Variants in UBAP2 observed in about 807,000 individuals in gnomAD.
UBAP2 encodes ubiquitin associated protein 2, also known as ubiquitin-associated protein 2.
UBAP2 carries 75 observed loss-of-function variants against 139.6 expected under a neutral mutation model. That is an observed-to-expected ratio of 0.54 (90% CI 0.45 to 0.65). UBAP2 has a LOEUF of 0.65. Ranked by LOEUF, UBAP2 falls within the 30% of genes least tolerant of loss-of-function variation. UBAP2 has a pLI of 0.00. For missense variants in UBAP2, 1,368 were observed against 1,369.6 expected (o/e 1.00, Z 0.02); for synonymous variants, 526 against 526.2 (o/e 1.00, Z 0.01).
chr9:34,017,653 G>A (rs1359240523), intron 1 of UBAP2, among the ~76,000 whole-genome samples: 4 of 152,190 alleles, frequency 2.6e-5, no homozygotes, highest in African/African-American at 9.6e-5. Flanking sequence ...GTGGCCGGGT[G>A]CGGTGGCTCA....
chr9:33,983,516 T>C (rs979951276), intron 6 of UBAP2, among the ~76,000 whole-genome samples: 6 of 152,200 alleles, frequency 3.9e-5, no homozygotes, highest in Non-Finnish European at 7.3e-5. Flanking sequence ...AGAACAATGA[T>C]ATTTTAACCA....
rs778777320 is a variant in UBAP2, at chr9:34,017,091, A to C, written c.58T>G (p.Ser20Ala). ...TGTGGTTGCGTTGATTGTGCTGCTGAAATCTGTGGTTTTTCCCGAGCACCT... is the reference window on the plus strand; with the variant it reads ...TGTGGTTGCGTTGATTGTGCTGCTGCAATCTGTGGTTTTTCCCGAGCACCT... ...CRGAREKPQI[S>A]AAQSTQPQKQ... Residue 20 changes from serine to alanine, a missense_variant, in exon 2 of 29, where the codon TCA becomes GCA. Transcript: ENST00000379238. 17 of 1,612,530 alleles carry C rather than the reference A, an allele frequency of 1.1e-5. No homozygotes were observed. In the South Asian group the frequency reaches 1.9e-4, roughly 18 times the overall value.
intron 16 of UBAP2, among the ~76,000 whole-genome samples, chr9:33,937,102 T>C (rs1464871687): frequency 7.2e-6 from 1 of 139,824 alleles, no homozygotes; most frequent in Admixed American, 7.2e-5. Flanking sequence ...AAACTCTTTC[T>C]AAAAAATAAA....
At chr9:33,938,738 G>A (rs1213493972) in intron 16 of UBAP2, among the ~76,000 whole-genome samples, 1 of 149,358 alleles carries the variant, frequency 6.7e-6, no homozygotes, top group South Asian at 2.1e-4. Flanking sequence ...GGAGGTTGGA[G>A]TGAGCCAAGA....
At chr9:33,944,771 A>G in intron 13 of UBAP2, 132 bp from the exon 14 acceptor site, 39 of 991,982 alleles carry the variant, frequency 3.9e-5, no homozygotes, top group Non-Finnish European at 5.5e-5. Flanking sequence ...TACACACACT[A>G]TGTGTAACAC....
rs398010658 is a variant in UBAP2, at chr9:34,013,152, CAA to C, written c.99+3896_99+3897del. 4.2e-3 allele frequency among the ~76,000 whole-genome samples: 329 copies of C among 78,298 alleles called. 2 individuals are homozygous for C. Among genetic ancestry groups the C allele is most frequent in the African/African-American group, 0.017 (308 of 17,608 alleles). 51.4% of individuals were successfully genotyped at this position (78,298 alleles called of 152,430 possible). A position where few individuals can be genotyped will look rare whatever the true frequency, so the allele number is the denominator to read the frequency against. On this transcript the variant is annotated intron_variant, in intron 2 of 28. Transcript: ENST00000379238. The stretch of plus-strand genomic sequence containing the variant: ...TGGGCAACAGAGTGAGACTCTAGCT[CAA>C]AAAAAAAAAAAAAAAAAAAAGAGGT...
chr9:34,010,761 AC>A (rs1300623131), intron 2 of UBAP2, among the ~76,000 whole-genome samples: 1 of 152,118 alleles, frequency 6.6e-6, no homozygotes, highest in African/African-American at 2.4e-5. Context: ...GCTACAACAA[AC>A]ATTTTTTTTT....
intron 4 of UBAP2, chr9:33,995,077 T>A (rs1219091859): frequency 6.6e-6 from 1 of 152,024 alleles, no homozygotes; most frequent in Admixed American, 6.6e-5. Context: ...TAAACACAGG[T>A]CAGGTGTGGT....
chr9:33,981,551 G>T (rs542403442), intron 6 of UBAP2, among the ~76,000 whole-genome samples: 6 of 149,064 alleles, frequency 4.0e-5, no homozygotes, highest in African/African-American at 1.5e-4. Context: ...AAAAAAGCCT[G>T]CTACATTGTC....
rs369856540 is a variant in UBAP2 at position 33,923,227 on chromosome 9, G to A, written c.2963C>T (p.Ser988Leu). 2.5e-5 allele frequency: 40 copies of A among 1,614,086 alleles called. No homozygotes were observed. The highest frequency in any genetic ancestry group is 1.3e-4 in the Admixed American group (8 of 60,008). Residue 988 changes from serine (S) to leucine (L), a missense_variant, in exon 26 of 29, where the codon TCG (serine) becomes TTG (leucine). Physicochemically the swap from Ser to Leu is moderately radical, Grantham distance 145. Transcript: ENST00000379238. ...ACCTGCAGACTTGTTTGGTGCCTGC[G>A]ATGATCCAGCATAGCCACCTTTGGA... Reference protein sequence around the residue: ...DYSKGGYAGSSQAPNKSAGSG... With the variant: ...DYSKGGYAGSLQAPNKSAGSG...
intron 1 of UBAP2, among the ~76,000 whole-genome samples, chr9:34,027,088 TC>T (rs1194450465): frequency 6.6e-6 from 1 of 152,202 alleles, no homozygotes; most frequent in Non-Finnish European, 1.5e-5. Context: ...TAATCTGTGT[TC>T]CCGCATTTTC....
chr9:34,016,302 GGAA>G (rs1824302235), intron 2 of UBAP2, among the ~76,000 whole-genome samples: 1 of 110,252 alleles, frequency 9.1e-6, no homozygotes, highest in African/African-American at 3.8e-5. Flanking sequence ...AGGAAGAGGA[GGAA>G]GAGGAGGAAG....
intron 6 of UBAP2, among the ~76,000 whole-genome samples, chr9:33,981,425 A>G (rs892391521): frequency 2.0e-5 from 3 of 150,868 alleles, no homozygotes; most frequent in Non-Finnish European, 2.9e-5. Flanking sequence ...GCACAATCAC[A>G]GCTCACAGCA....
intron 2 of UBAP2, among the ~76,000 whole-genome samples, chr9:34,002,403 G>A (rs1261699081): frequency 7.4e-6 from 1 of 134,838 alleles, no homozygotes; most frequent in Non-Finnish European, 1.5e-5. Context: ...TTTTGAGACA[G>A]AGTCTCGCTC....
intron 9 of UBAP2, among the ~76,000 whole-genome samples, chr9:33,961,527 T>C (rs1439880561): frequency 6.7e-6 from 1 of 149,756 alleles, no homozygotes; most frequent in East Asian, 1.9e-4. Context: ...TTCAAAAGTG[T>C]TGCTACTCAA....
intron 17 of UBAP2, 55 bp downstream of exon 17, chr9:33,935,784 T>G: frequency 6.2e-7 from 1 of 1,601,858 alleles, no homozygotes; most frequent in Non-Finnish European, 8.6e-7. Context: ...AGCTATCCTC[T>G]TCCTCTGTTT....
intron 2 of UBAP2, among the ~76,000 whole-genome samples, chr9:33,999,670 T>C (rs1822516295): frequency 6.6e-6 from 1 of 151,954 alleles, no homozygotes. Context: ...GTGCTGGGAT[T>C]ACAGGCCTGA....
chr9:33,965,390 G>C (rs1827369338), intron 8 of UBAP2, among the ~76,000 whole-genome samples: 1 of 152,060 alleles, frequency 6.6e-6, no homozygotes, highest in African/African-American at 2.4e-5. Context: ...TTTTCTCCAA[G>C]ACTACGTCTC....
chr9:34,008,160 A>G (rs1442591830), intron 2 of UBAP2, among the ~76,000 whole-genome samples: 3 of 152,020 alleles, frequency 2.0e-5, no homozygotes, highest in Non-Finnish European at 1.5e-5. Context: ...ATACAAATAC[A>G]AAATTAGCCG....
Sources: gnomAD v4.1 joint callset for allele counts (sites outside exome capture counted in the v4.1 genomes callset) on GRCh38, gnomAD v4.1.1 for gene constraint, MANE v1.5 for transcripts, NCBI Gene and HGNC (gene_info 2026-07-23, HGNC 2026-07-21) for gene names.